CACNA1E: variants seen among roughly 807,000 people sequenced by gnomAD.
CACNA1E encodes the protein calcium voltage-gated channel subunit alpha1 E, also known as voltage-dependent R-type calcium channel subunit alpha-1E.
CACNA1E carries 40 observed loss-of-function variants against 259.2 expected under a neutral mutation model. The observed-to-expected ratio is 0.15, with a 90% CI of 0.12 to 0.20. The LOEUF (loss-of-function observed/expected upper bound fraction) is 0.20, where lower values mean the gene tolerates loss of function less well. Among genes scored for constraint, CACNA1E ranks in the 10% least tolerant of loss-of-function variants. CACNA1E has a pLI of 1.00. For missense variants in CACNA1E, 1,874 were observed against 3,040.1 expected, an observed-to-expected ratio of 0.62 and a Z score of 9.02; for synonymous variants, 1,104 against 1,138.5, an observed-to-expected ratio of 0.97 and a Z score of 0.61.
chr1:181,341,547 G>T (rs1652154263), intron 1 of CACNA1E, among the ~76,000 whole-genome samples: 1 of 152,134 alleles, frequency 6.6e-6, no homozygotes, highest in Non-Finnish European at 1.5e-5. Context: ...GCCTCCCAGG[G>T]AACCTTCTCC....
intron 1 of CACNA1E, among the ~76,000 whole-genome samples, chr1:181,367,332 T>G: frequency 6.6e-6 from 1 of 152,044 alleles, no homozygotes; most frequent in Non-Finnish European, 1.5e-5. Flanking sequence ...ACTAATTTTT[T>G]TTTTTCCTGT....
chr1:181,793,713 A>G lies in CACNA1E; in HGVS notation c.5947A>G (p.Ile1983Val), dbSNP rs1558400266. ...AAGCGTGCAGCCCTCTAACCATGGCATCTACCTTCCTTCGGACACCCAGGA... is the reference window on the plus strand; with the variant it reads ...AAGCGTGCAGCCCTCTAACCATGGCGTCTACCTTCCTTCGGACACCCAGGA... ...LKSVQPSNHG[I>V]YLPSDTQEHA... Residue 1983 changes from isoleucine (I) to valine (V), a missense_variant, in exon 45 of 48, where the codon ATC becomes GTC. Ile to Val is a conservative substitution (Grantham distance 29, BLOSUM62 3). Around this residue, in one of 14 missense-constraint regions of CACNA1E, gnomAD observed 542 missense variants for 587.2 expected, o/e 0.92. Coordinates refer to ENST00000367573, the MANE Select transcript of CACNA1E (RefSeq NM_001205293.3). 6.2e-7 allele frequency: 1 copy of G among 1,611,632 alleles called. No homozygotes were observed. Among genetic ancestry groups the G allele is most frequent in the Non-Finnish European group, 8.5e-7 (1 of 1,179,418 alleles).
Position 181,757,450 on chromosome 1 carries a change from G to C in CACNA1E, c.4329+324G>C, listed in dbSNP as rs542917032. Among the ~76,000 whole-genome samples, 8 of 152,244 alleles carry C rather than the reference G, an allele frequency of 5.3e-5. No individual in the cohort carries two copies. The South Asian group carries it at 1.2e-3, about 24-fold the overall frequency. ...TTCCATGCCATGTACTTGCTGTAAGGGCAGGGAATGTGTCTTATCGCAGCT... is the reference window on the plus strand; with the variant it reads ...TTCCATGCCATGTACTTGCTGTAAGCGCAGGGAATGTGTCTTATCGCAGCT... On this transcript the variant is annotated intron_variant, in intron 30 of 47. Transcript: ENST00000367573.
At chr1:181,419,705 A>T (rs2102183051) in intron 2 of CACNA1E, among the ~76,000 whole-genome samples, 1 of 152,332 alleles carries the variant, frequency 6.6e-6, no homozygotes, top group Admixed American at 6.5e-5. Context: ...TGATGAAGTA[A>T]ACATATTGAG....
At chr1:181,512,175 G>A (rs1475014435) in intron 3 of CACNA1E, among the ~76,000 whole-genome samples, 1 of 152,264 alleles carries the variant, frequency 6.6e-6, no homozygotes, top group Non-Finnish European at 1.5e-5. Flanking sequence ...TTTTGGAAAT[G>A]AATATAGTAT....
intron 3 of CACNA1E, among the ~76,000 whole-genome samples, chr1:181,566,728 G>A (rs2102914821): frequency 6.6e-6 from 1 of 152,300 alleles, no homozygotes; most frequent in South Asian, 2.1e-4. Context: ...AGTGTGAATA[G>A]GGACTAATGT....
At chr1:181,617,368 A>G (rs1225228892) in intron 6 of CACNA1E, among the ~76,000 whole-genome samples, 2 of 152,076 alleles carry the variant, frequency 1.3e-5, no homozygotes, top group Admixed American at 1.3e-4. Context: ...GGAACATCCT[A>G]AGTCTTCCGC....
At chr1:181,711,126 G>A in intron 8 of CACNA1E, 57 bp downstream of exon 8, 1 of 1,161,584 alleles carries the variant, frequency 8.6e-7, no homozygotes, top group Non-Finnish European at 1.3e-6. Context: ...ATCAGGGCCG[G>A]CCCCTCACTC....
In CACNA1E at chr1:181,547,916, A is replaced by G. The variant is rs140675110; in HGVS notation, c.513-29850A>G. Among the ~76,000 whole-genome samples, 1,125 of 152,294 alleles carry G rather than the reference A, an allele frequency of 7.4e-3. 8 individuals are homozygous for G. Among genetic ancestry groups the G allele is most frequent in the Middle Eastern group, 0.02 (6 of 294 alleles). ...AGCCCACAGCATCTCCTGAAGTTCT[A>G]GGCATAGAGGAGAACTTACTATCTA... On this transcript the variant is annotated intron_variant, in intron 3 of 47. Coordinates refer to ENST00000367573, the MANE Select transcript of CACNA1E (RefSeq NM_001205293.3).
At position 181,738,423 on chromosome 1, in the gene CACNA1E, A is replaced by G. The variant is rs1201264561; in HGVS notation, c.3609A>G (p.Ile1203Met). The G allele has an allele frequency of 2.5e-6, 4 of 1,613,312 alleles. No homozygotes were observed. In the Admixed American group the frequency reaches 6.7e-5, roughly 27 times the overall value. The change falls in exon 24 of 48, where the codon ATA becomes ATG. Residue 1203 changes from isoleucine (I) to methionine (M), a missense_variant. By Grantham distance (10) the Ile-to-Met change is conservative. Transcript: ENST00000367573. The stretch of plus-strand genomic sequence containing the variant: ...GCGTGTTCACCTTTGAGATGGTTAT[A>G]AAGGTAAAAACTTCTAGAGAAAACC... ...FTGVFTFEMV[I>M]KMIDQGLILQ...
intron 25 of CACNA1E, among the ~76,000 whole-genome samples, chr1:181,744,348 G>A (rs138692653): frequency 6.6e-6 from 1 of 152,286 alleles, no homozygotes; most frequent in East Asian, 1.9e-4. Context: ...TGGGCGTGGT[G>A]GCTCATGCCT....
At chr1:181,495,152 T>A (rs902618420) in intron 1 of CACNA1E, among the ~76,000 whole-genome samples, 9 of 152,222 alleles carry the variant, frequency 5.9e-5, no homozygotes, top group Non-Finnish European at 1.3e-4. Flanking sequence ...AATAAAAGTG[T>A]TGTGTCCTAG....
chr1:181,587,548 G>A (rs1211918693), intron 6 of CACNA1E, among the ~76,000 whole-genome samples: 1 of 152,188 alleles, frequency 6.6e-6, no homozygotes, highest in Non-Finnish European at 1.5e-5. Flanking sequence ...GAGAAACCGT[G>A]AAAAGGGAGG....
intron 3 of CACNA1E, among the ~76,000 whole-genome samples, chr1:181,517,585 A>T (rs552266957): frequency 6.6e-6 from 1 of 151,612 alleles, no homozygotes; most frequent in African/African-American, 2.4e-5. Context: ...AGTTTGGGAG[A>T]ATGTGCAGAG....
chr1:181,420,659 G>T (rs59155464), intron 2 of CACNA1E, among the ~76,000 whole-genome samples: 7,095 of 152,140 alleles, frequency 0.047, 493 homozygotes, highest in African/African-American at 0.16. Context: ...CTGGCTATAT[G>T]GTAGGTGATT....
chr1:181,742,747 G>A (rs1231032044), intron 25 of CACNA1E, among the ~76,000 whole-genome samples: 3 of 152,166 alleles, frequency 2.0e-5, no homozygotes, highest in Admixed American at 6.5e-5. Context: ...TCCTGCCGAG[G>A]CGTGTGCCTG....
At chr1:181,592,336 C>A (rs1175804025) in intron 6 of CACNA1E, among the ~76,000 whole-genome samples, 1 of 151,976 alleles carries the variant, frequency 6.6e-6, no homozygotes, top group Non-Finnish European at 1.5e-5. Context: ...GCTGTCGGAA[C>A]CCACCAAAGA....
chr1:181,366,840 C>A (rs1654303952), intron 1 of CACNA1E, among the ~76,000 whole-genome samples: 5 of 152,128 alleles, frequency 3.3e-5, no homozygotes, highest in Admixed American at 3.3e-4. Flanking sequence ...CTTTGAAGAC[C>A]CCTGTGGTGC....
chr1:181,714,743 C>T (rs1404750484), intron 8 of CACNA1E, among the ~76,000 whole-genome samples: 2 of 152,206 alleles, frequency 1.3e-5, no homozygotes, highest in Non-Finnish European at 2.9e-5. Flanking sequence ...TTGGCCCAAG[C>T]CTCTTTGGCT....
Sources: gnomAD v4.1 joint callset for allele counts (sites outside exome capture counted in the v4.1 genomes callset) on GRCh38, gnomAD v4.1.1 for gene constraint, gnomAD v4.1.1 regional missense constraint, MANE v1.5 for transcripts, NCBI Gene and HGNC (gene_info 2026-07-23, HGNC 2026-07-21) for gene names.